Variants in NPAS3 observed in about 807,000 individuals in gnomAD.
NPAS3 encodes the protein neuronal PAS domain protein 3.
In NPAS3, 14 loss-of-function variants were observed where a neutral mutation model predicts 73.1. The ratio of observed to expected loss-of-function variants is 0.19; its 90% CI spans 0.13 to 0.30. NPAS3 has a LOEUF of 0.30. NPAS3 is among the 10% of genes least tolerant of loss of function. The pLI is 1.00. For synonymous variants in NPAS3, 620 were observed against 541.5 expected, an observed-to-expected ratio of 1.14 and a Z score of -2.01; for missense variants, 1,096 against 1,250.0, an observed-to-expected ratio of 0.88 and a Z score of 1.86.
intron 5 of NPAS3, among the ~76,000 whole-genome samples, chr14:33,614,630 C>T (rs1238784711): frequency 6.6e-6 from 1 of 152,098 alleles, no homozygotes; most frequent in Non-Finnish European, 1.5e-5. Context: ...GGTCATATAC[C>T]ACAGCAGTTT....
chr14:33,252,057 C>CTGTGTGTG (rs3057325), intron 3 of NPAS3, among the ~76,000 whole-genome samples: 1,702 of 145,292 alleles, frequency 0.012, 38 homozygotes, highest in African/African-American at 0.041. Context: ...GTGTGTGTGT[C>CTGTGTGTG]TGTGTGTGTG....
At chr14:33,279,899 T>C (rs2041518178) in intron 3 of NPAS3, among the ~76,000 whole-genome samples, 1 of 152,206 alleles carries the variant, frequency 6.6e-6, no homozygotes, top group Non-Finnish European at 1.5e-5. Flanking sequence ...TAAAACCTAA[T>C]AATTAGAGTG....
chr14:33,608,411 T>C (rs1456283801), intron 5 of NPAS3: 1 of 152,204 alleles, frequency 6.6e-6, no homozygotes, highest in Non-Finnish European at 1.5e-5. Context: ...TGTGAGGATG[T>C]TTCTGAAATG....
At chr14:33,363,238 G>C (rs1050036975) in intron 3 of NPAS3, among the ~76,000 whole-genome samples, 1 of 152,080 alleles carries the variant, frequency 6.6e-6, no homozygotes, top group South Asian at 2.1e-4. Flanking sequence ...GGGAGGGCCT[G>C]GTGTATTCCC....
intron 4 of NPAS3, among the ~76,000 whole-genome samples, chr14:33,554,474 T>A (rs1028304288): frequency 6.6e-5 from 10 of 152,224 alleles, no homozygotes; most frequent in African/African-American, 2.4e-4. Flanking sequence ...TATATCTTAC[T>A]TTTTTACTGA....
intron 1 of NPAS3, among the ~76,000 whole-genome samples, chr14:33,046,184 T>C (rs559714052): frequency 1.1e-4 from 16 of 152,178 alleles, no homozygotes; most frequent in Admixed American, 9.8e-4. Flanking sequence ...TGAGGACCAT[T>C]GTAGGAGAGA....
intron 1 of NPAS3, among the ~76,000 whole-genome samples, chr14:32,951,906 A>G (rs2036498700): frequency 6.6e-6 from 1 of 152,070 alleles, no homozygotes; most frequent in Admixed American, 6.5e-5. Context: ...TTTGTAGTGC[A>G]GACAGATTTG....
chr14:33,195,163 A>G (rs1405409310), intron 2 of NPAS3, among the ~76,000 whole-genome samples: 1 of 152,220 alleles, frequency 6.6e-6, no homozygotes, highest in African/African-American at 2.4e-5. Flanking sequence ...TACTGTACAT[A>G]GAGAGTAAAC....
chr14:33,089,977 C>A, intron 2 of NPAS3, among the ~76,000 whole-genome samples: 1 of 152,150 alleles, frequency 6.6e-6, no homozygotes, highest in East Asian at 1.9e-4. Flanking sequence ...CAGGTCTGCC[C>A]TACAAGAGCT....
At chr14:33,348,216 A>T in intron 3 of NPAS3, among the ~76,000 whole-genome samples, 1 of 152,210 alleles carries the variant, frequency 6.6e-6, no homozygotes, top group East Asian at 1.9e-4. Flanking sequence ...ATCATGATTG[A>T]AATCTCAACC....
intron 4 of NPAS3, among the ~76,000 whole-genome samples, chr14:33,540,878 C>A (rs1054577312): frequency 2.0e-5 from 3 of 152,078 alleles, no homozygotes; most frequent in South Asian, 2.1e-4. Flanking sequence ...AGAAACCAGG[C>A]GTGGAAGTTG....
At chr14:33,346,295 A>G (rs1111320) in intron 3 of NPAS3, among the ~76,000 whole-genome samples, 66,848 of 150,188 alleles carry the variant, frequency 0.45, 15,440 homozygotes, top group East Asian at 0.6. Flanking sequence ...TTGGGAGGCC[A>G]AGGTGGGGGG....
intron 1 of NPAS3, among the ~76,000 whole-genome samples, chr14:33,045,370 T>G (rs1347111745): frequency 6.6e-6 from 1 of 152,206 alleles, no homozygotes; most frequent in East Asian, 1.9e-4. Flanking sequence ...TCTTAAACTC[T>G]AAGTTGTGAC....
intron 4 of NPAS3, among the ~76,000 whole-genome samples, chr14:33,468,073 G>GT (rs1247171297): frequency 6.6e-6 from 1 of 152,156 alleles, no homozygotes; most frequent in African/African-American, 2.4e-5. Context: ...GAGTACAAGT[G>GT]TGACCCATCC....
At chr14:33,386,538 A>G (rs545326962) in intron 4 of NPAS3, among the ~76,000 whole-genome samples, 3 of 151,150 alleles carry the variant, frequency 2.0e-5, no homozygotes, top group South Asian at 2.1e-4. Flanking sequence ...GTAGCCTTCT[A>G]TCTTTATTGA....
intron 5 of NPAS3, among the ~76,000 whole-genome samples, chr14:33,605,998 C>T (rs1054989682): frequency 3.9e-5 from 6 of 152,030 alleles, no homozygotes; most frequent in East Asian, 1.9e-4. Flanking sequence ...ATCAAGACAG[C>T]GTGATATTGG....
intron 4 of NPAS3, among the ~76,000 whole-genome samples, chr14:33,391,187 CTTTTTTTTTTTTT>C (rs370631048): frequency 1.8e-5 from 2 of 109,810 alleles, no homozygotes; most frequent in Non-Finnish European, 3.6e-5. Context: ...TGGCCCATAT[CTTTTTTTTTTTTT>C]TTTTTTTTTT....
intron 1 of NPAS3, among the ~76,000 whole-genome samples, chr14:32,978,166 G>T (rs2037762678): frequency 6.6e-6 from 1 of 152,142 alleles, no homozygotes; most frequent in South Asian, 2.1e-4. Context: ...TGGAGAAGAG[G>T]CAGGACTCCA....
intron 4 of NPAS3, among the ~76,000 whole-genome samples, chr14:33,543,946 CATAT>C (rs35154724): frequency 4.2e-3 from 437 of 104,168 alleles, no homozygotes; most frequent in Admixed American, 0.012. Flanking sequence ...TGGCAAAGTG[CATAT>C]ATATATATAT....
Sources: allele counts gnomAD v4.1 joint callset (sites outside exome capture counted in the v4.1 genomes callset), GRCh38; gene constraint gnomAD v4.1.1; transcripts MANE v1.5; gene names NCBI Gene and HGNC (gene_info 2026-07-23, HGNC 2026-07-21).